The following TMEM117 variants were observed in gnomAD, a reference collection of about 807,000 sequenced individuals.
The protein encoded by TMEM117 is transmembrane protein 117.
In TMEM117, 27 loss-of-function variants were observed where a neutral mutation model predicts 52.4. That is an observed-to-expected ratio of 0.51 (90% CI 0.38 to 0.71). The LOEUF (loss-of-function observed/expected upper bound fraction) is 0.71. Ranked by LOEUF, TMEM117 falls within the 30% of genes least tolerant of loss-of-function variation. TMEM117 has a pLI of 0.00. For synonymous variants in TMEM117, 215 were observed against 206.3 expected (o/e 1.04, Z -0.36); for missense variants, 556 against 630.5 (o/e 0.88, Z 1.26).
chr12:44,105,469 C>T (rs1261474701), intron 3 of TMEM117, among the ~76,000 whole-genome samples: 1 of 151,716 alleles, frequency 6.6e-6, no homozygotes, highest in Non-Finnish European at 1.5e-5. Context: ...GACTCTGATT[C>T]TGATGCTTGT....
At chr12:44,052,001 A>G (rs955082643) in intron 3 of TMEM117, among the ~76,000 whole-genome samples, 18 of 152,200 alleles carry the variant, frequency 1.2e-4, no homozygotes, top group African/African-American at 1.9e-4. Context: ...CATGTGCAAT[A>G]TTGGTAAGCT....
chr12:43,945,714 G>C (rs570462493), intron 3 of TMEM117, among the ~76,000 whole-genome samples: 1 of 152,188 alleles, frequency 6.6e-6, no homozygotes, highest in African/African-American at 2.4e-5. Context: ...TTAGGTATTT[G>C]TTGTGTGTTG....
At chr12:44,107,413 T>C (rs1375452631) in intron 3 of TMEM117, among the ~76,000 whole-genome samples, 1 of 152,108 alleles carries the variant, frequency 6.6e-6, no homozygotes, top group Non-Finnish European at 1.5e-5. Context: ...ATCTACTTTT[T>C]TAGAAGAGAA....
chr12:44,244,727 T>C (rs1256345689), intron 5 of TMEM117, among the ~76,000 whole-genome samples: 1 of 151,962 alleles, frequency 6.6e-6, no homozygotes, highest in Non-Finnish European at 1.5e-5. Flanking sequence ...GTCTATTTTG[T>C]CTTTAGGCAA....
chr12:44,044,852 G>A (rs1001996048), intron 3 of TMEM117, among the ~76,000 whole-genome samples: 7 of 152,346 alleles, frequency 4.6e-5, no homozygotes, highest in Admixed American at 4.6e-4. Context: ...AGGAGAAATG[G>A]CCAGATGTGC....
chr12:44,029,564 C>T (rs1284517796), intron 3 of TMEM117, among the ~76,000 whole-genome samples: 2 of 152,212 alleles, frequency 1.3e-5, no homozygotes, highest in Admixed American at 6.5e-5. Flanking sequence ...TTTCTTTGGC[C>T]TCCCTGAGTG....
the TMEM117 span, among the ~76,000 whole-genome samples, chr12:43,826,369 G>C: frequency 6.6e-6 from 1 of 152,102 alleles, no homozygotes; most frequent in Non-Finnish European, 1.5e-5. Context: ...CCAAGTTTTT[G>C]GCAGCTCAGT....
downstream of TMEM117, among the ~76,000 whole-genome samples, chr12:44,394,135 G>A (rs573616353): frequency 1.3e-5 from 2 of 152,234 alleles, no homozygotes; most frequent in African/African-American, 2.4e-5. Flanking sequence ...TTGAAATGAT[G>A]ACTCCAAATT....
chr12:44,357,096 G>A (rs763786537), intron 6 of TMEM117, among the ~76,000 whole-genome samples: 8 of 152,086 alleles, frequency 5.3e-5, no homozygotes, highest in Non-Finnish European at 8.8e-5. Context: ...ACATTTGTTC[G>A]TATGCAGAAT....
intron 5 of TMEM117, among the ~76,000 whole-genome samples, chr12:44,276,396 T>C (rs1190836381): frequency 2.0e-5 from 3 of 152,138 alleles, no homozygotes; most frequent in African/African-American, 7.2e-5. Flanking sequence ...CTAGGCACAG[T>C]AATACAAATA....
chr12:43,818,108 A>G, the TMEM117 span, among the ~76,000 whole-genome samples: 1 of 152,166 alleles, frequency 6.6e-6, no homozygotes, highest in South Asian at 2.1e-4. Flanking sequence ...GTCCACTTTC[A>G]TACTGTTATT....
At chr12:43,906,117 C>A (rs1944382364) in intron 2 of TMEM117, among the ~76,000 whole-genome samples, 1 of 152,032 alleles carries the variant, frequency 6.6e-6, no homozygotes, top group South Asian at 2.1e-4. Context: ...TTTCTATTAA[C>A]ACATTCATAC....
At chr12:44,211,228 T>C in intron 4 of TMEM117, 62 bp from the exon 5 acceptor site, 2 of 1,079,280 alleles carry the variant, frequency 1.9e-6, no homozygotes, top group Non-Finnish European at 2.8e-6. Flanking sequence ...ATTATAGGCT[T>C]ATAGTTAAAT....
At chr12:44,376,437 T>A (rs1171994675) in intron 6 of TMEM117, 158 bp from the exon 7 acceptor site, 2 of 832,924 alleles carry the variant, frequency 2.4e-6, no homozygotes, top group Admixed American at 3.9e-5. Context: ...CTACCTAATG[T>A]ACATAAAATA....
intron 2 of TMEM117, among the ~76,000 whole-genome samples, chr12:43,879,976 C>G (rs1675788): frequency 0.73 from 110,428 of 152,096 alleles, 43,332 homozygotes; most frequent in East Asian, 0.94. Flanking sequence ...CTGTTTCTAC[C>G]AAGACAGAAG....
intron 5 of TMEM117, among the ~76,000 whole-genome samples, chr12:44,258,376 A>C (rs1950283932): frequency 2.0e-5 from 3 of 152,110 alleles, no homozygotes; most frequent in Non-Finnish European, 4.4e-5. Flanking sequence ...CAAGAGTTTA[A>C]AAGACTTGTA....
intron 5 of TMEM117, among the ~76,000 whole-genome samples, chr12:44,220,552 A>G (rs1188280428): frequency 1.3e-5 from 2 of 152,168 alleles, no homozygotes; most frequent in Non-Finnish European, 2.9e-5. Context: ...ATCTGCTGAG[A>G]GAGCTTAGAT....
At chr12:44,164,851 A>G (rs1948944056) in intron 4 of TMEM117, among the ~76,000 whole-genome samples, 1 of 152,206 alleles carries the variant, frequency 6.6e-6, no homozygotes, top group African/African-American at 2.4e-5. Context: ...ACATGCATGC[A>G]ACGTGTAATG....
chr12:44,199,304 A>G (rs922923034), intron 4 of TMEM117, among the ~76,000 whole-genome samples: 2 of 152,306 alleles, frequency 1.3e-5, no homozygotes, highest in African/African-American at 2.4e-5. Context: ...GTATCTTTCC[A>G]TCCTGTCACT....
Sources: gnomAD v4.1 joint callset for allele counts (sites outside exome capture counted in the v4.1 genomes callset) on GRCh38, gnomAD v4.1.1 for gene constraint, MANE v1.5 for transcripts, NCBI Gene and HGNC (gene_info 2026-07-23, HGNC 2026-07-21) for gene names.